The following SEC24D variants were observed in gnomAD, a reference collection of about 807,000 sequenced individuals.
SEC24D encodes SEC24 homolog D, COPII component, also known as protein transport protein Sec24D.
SEC24D carries 69 observed loss-of-function variants against 116.9 expected under a neutral mutation model. The ratio of observed to expected loss-of-function variants is 0.59; its 90% CI spans 0.49 to 0.72. The LOEUF is 0.72. Ranked by LOEUF, SEC24D falls within the 30% of genes least tolerant of loss-of-function variation. The pLI is 0.00. For synonymous variants in SEC24D, 405 were observed against 442.8 expected, an observed-to-expected ratio of 0.91 and a Z score of 1.07; for missense variants, 1,131 against 1,264.1, an observed-to-expected ratio of 0.89 and a Z score of 1.60.
At chr4:118,771,860 C>A (rs1727918751) in intron 8 of SEC24D, among the ~76,000 whole-genome samples, 1 of 151,818 alleles carries the variant, frequency 6.6e-6, no homozygotes, top group African/African-American at 2.4e-5. Context: ...TTTGAGGGAC[C>A]TACAGTGTAG....
In SEC24D at chr4:118,764,925, A is replaced by C. The variant is rs756082922; in HGVS notation, c.1181-8T>G. ...GGAAATAGAATGGTGGAACTAATAA[A>C]AACAAAATAGGAAAGAAAATATTTT... is the stretch of plus-strand genomic sequence containing the variant. On this transcript the variant is annotated splice_polypyrimidine_tract_variant and splice_region_variant and intron_variant, in intron 9 of 22. Coordinates refer to ENST00000280551, the MANE Select transcript of SEC24D (RefSeq NM_014822.4). 2 of 1,432,244 alleles carry C rather than the reference A, an allele frequency of 1.4e-6. No individual in the cohort carries two copies. The highest frequency in any genetic ancestry group is 4.6e-5 in the East Asian group (2 of 43,946). The allele number at this position is 1,432,244 out of a possible 1,614,324, so 88.7% of individuals were successfully genotyped here. A position where few individuals can be genotyped will look rare whatever the true frequency, so the allele number is the denominator to read the frequency against.
chr4:118,810,074 C>CTCTG lies in SEC24D; in HGVS notation c.802-4121_802-4120insCAGA, dbSNP rs776835322. Among the ~76,000 whole-genome samples, 25 of 38,622 alleles carry CTCTG rather than the reference C, an allele frequency of 6.5e-4. 1 individual carries two copies. Among genetic ancestry groups the CTCTG allele is most frequent in the Non-Finnish European group, 7.9e-4 (16 of 20,328 alleles). The allele number at this position is 38,622 out of a possible 152,430, so 25.3% of individuals were successfully genotyped here. On this transcript the variant is annotated intron_variant, in intron 6 of 22. Coordinates refer to ENST00000280551, the MANE Select transcript of SEC24D (RefSeq NM_014822.4). ...TGGTAAGAGACCAGGTCAGAGGTAGCTGTGTGTGTGTGTGTGTGTGTGTGT... is the reference window on the plus strand; with the variant it reads ...TGGTAAGAGACCAGGTCAGAGGTAGCTCTGTGTGTGTGTGTGTGTGTGTGTGTGT...
intron 6 of SEC24D, among the ~76,000 whole-genome samples, chr4:118,810,007 A>C (rs1729835524): frequency 1.3e-5 from 2 of 151,580 alleles, no homozygotes; most frequent in African/African-American, 2.4e-5. Flanking sequence ...CCAAGGAACA[A>C]CAAAGAGGCT....
chr4:118,747,541 C>T (rs1269778456), intron 13 of SEC24D, among the ~76,000 whole-genome samples: 1 of 152,060 alleles, frequency 6.6e-6, no homozygotes. Context: ...GCTGGGATTA[C>T]AGGTGTAAGC....
intron 8 of SEC24D, among the ~76,000 whole-genome samples, chr4:118,783,476 G>C (rs904464201): frequency 4.6e-5 from 7 of 152,230 alleles, no homozygotes; most frequent in African/African-American, 1.7e-4. Context: ...TCTGTTCACT[G>C]ACATATCTCA....
intron 2 of SEC24D, among the ~76,000 whole-genome samples, chr4:118,832,247 C>T (rs1730892257): frequency 6.6e-6 from 1 of 152,020 alleles, no homozygotes. Flanking sequence ...AAGACAACAA[C>T]AAAAGGATAG....
At chr4:118,743,370 C>T (rs1578389830) in intron 15 of SEC24D, among the ~76,000 whole-genome samples, 2 of 152,064 alleles carry the variant, frequency 1.3e-5, no homozygotes, top group East Asian at 3.9e-4. Flanking sequence ...CACACACACA[C>T]ACACACACAG....
intron 15 of SEC24D, among the ~76,000 whole-genome samples, chr4:118,741,433 C>CA (rs767693188): frequency 2.6e-5 from 4 of 152,118 alleles, no homozygotes; most frequent in Non-Finnish European, 5.9e-5. Flanking sequence ...TGACCACATT[C>CA]AGAGCTTTGT....
intron 8 of SEC24D, among the ~76,000 whole-genome samples, chr4:118,781,457 G>A (rs973253655): frequency 1.3e-5 from 2 of 152,194 alleles, no homozygotes; most frequent in East Asian, 1.9e-4. Context: ...CTAGAGGTCC[G>A]CTGTTAGTCT....
intron 8 of SEC24D, among the ~76,000 whole-genome samples, chr4:118,791,456 G>A (rs1728890869): frequency 6.6e-6 from 1 of 151,840 alleles, no homozygotes; most frequent in South Asian, 2.1e-4. Context: ...TCTAAAATGG[G>A]GATAAGTAGG....
intron 6 of SEC24D, among the ~76,000 whole-genome samples, chr4:118,812,513 T>A (rs1364527674): frequency 6.6e-6 from 1 of 151,938 alleles, no homozygotes; most frequent in Non-Finnish European, 1.5e-5. Context: ...CGGATAAAGA[T>A]ACAAGCAGCT....
In SEC24D at chr4:118,752,723, A is replaced by G. The variant is rs1726900771; in HGVS notation, c.1587T>C (p.Tyr529=). ...VPLLDGFLVN[Y]QESQSVIHNL... ...TATGAATCACAGATTGGGATTCTTG[A>G]TAGTTGACAAGGAAACCATCCAACA... Residue 529 remains tyrosine (Y), a synonymous_variant, in exon 12 of 23, where the codon TAT becomes TAC. Transcript: ENST00000280551. 6.2e-7 allele frequency: 1 copy of G among 1,604,772 alleles called. No individual in the cohort carries two copies. The highest frequency in any genetic ancestry group is 1.3e-5 in the African/African-American group (1 of 74,384).
At chr4:118,749,010 A>T (rs528641871) in intron 13 of SEC24D, among the ~76,000 whole-genome samples, 2 of 149,944 alleles carry the variant, frequency 1.3e-5, no homozygotes, top group African/African-American at 2.4e-5. Context: ...TTTTCTTCCA[A>T]TTTTTTTTTC....
chr4:118,800,882 T>C (rs990623958), intron 7 of SEC24D, among the ~76,000 whole-genome samples: 6 of 151,980 alleles, frequency 3.9e-5, no homozygotes, highest in African/African-American at 1.2e-4. Flanking sequence ...AAAAATTGAG[T>C]CCAGGTTGTC....
intron 13 of SEC24D, among the ~76,000 whole-genome samples, chr4:118,750,093 T>C (rs1726747855): frequency 6.6e-6 from 1 of 152,102 alleles, no homozygotes; most frequent in Non-Finnish European, 1.5e-5. Context: ...TAACAAAAAA[T>C]AAGATGCAAA....
chr4:118,750,309 T>C lies in SEC24D; in HGVS notation c.1707+1687A>G, dbSNP rs111572780. On this transcript the variant is annotated intron_variant, in intron 13 of 22. Transcript: ENST00000280551. ...ATGCATGTACACAATTTGCTTTATA[T>C]ATTTTTTCTTTCTAAGCTGCCAAGC... 4.5e-4 allele frequency among the ~76,000 whole-genome samples: 69 copies of C among 152,344 alleles called. 1 individual carries two copies. Among genetic ancestry groups the C allele is most frequent in the African/African-American group, 1.6e-3 (65 of 41,578 alleles).
At position 118,752,085 on chromosome 4, in the gene SEC24D, A is replaced by G. The variant is rs764337413; in HGVS notation, c.1618T>C (p.Leu540=). The part of the protein sequence containing the change: ...QESQSVIHNL[L]DQIPDMFADS... The stretch of plus-strand genomic sequence containing the variant: ...GCAAACATGTCTGGAATCTGGTCCA[A>G]CAAACTATAAGACATGAGTAAGCAA... The change falls in exon 13 of 23, where the codon TTG becomes CTG. Residue 540 remains leucine (L), a synonymous_variant. Coordinates refer to ENST00000280551, the MANE Select transcript of SEC24D (RefSeq NM_014822.4). The G allele has an allele frequency of 3.6e-5, 58 of 1,602,286 alleles. No homozygotes were observed. Among genetic ancestry groups the G allele is most frequent in the Non-Finnish European group, 4.9e-5 (57 of 1,170,474 alleles).
Position 118,815,662 on chromosome 4 carries a change from A to T in SEC24D, c.462T>A (p.Thr154=). The T allele has an allele frequency of 6.2e-7, 1 of 1,614,002 alleles. No individual in the cohort carries two copies. The highest frequency in any genetic ancestry group is 1.1e-5 in the South Asian group (1 of 91,056). Residue 154 remains threonine (T), a synonymous_variant, in exon 5 of 23, where the codon ACT becomes ACA. Transcript: ENST00000280551. The stretch of plus-strand genomic sequence containing the variant: ...TGGAAGGCTGTGGAGGTCGTGGAGG[A>T]GTCTGCAATGATGTGGCTGACAGAG... ...PGPLSATSLQ[T]PPRPPQPSIL...
chr4:118,764,689 G>C (rs1418274932), intron 10 of SEC24D, 113 bp downstream of exon 10: 5 of 625,702 alleles, frequency 8.0e-6, no homozygotes, highest in Non-Finnish European at 1.4e-5. Flanking sequence ...ACCACTCCAT[G>C]GTACCACCAA....
Sources: allele counts gnomAD v4.1 joint callset (sites outside exome capture counted in the v4.1 genomes callset), GRCh38; gene constraint gnomAD v4.1.1; transcripts MANE v1.5; gene names NCBI Gene and HGNC (gene_info 2026-07-23, HGNC 2026-07-21).